The following GADL1 variants were observed in gnomAD, a reference collection of about 807,000 sequenced individuals.
GADL1 encodes the protein acidic amino acid decarboxylase GADL1.
A neutral mutation model predicts 69.5 loss-of-function variants in GADL1; 71 were observed. The ratio of observed to expected loss-of-function variants is 1.02; its 90% confidence interval spans 0.84 to 1.25. The LOEUF (loss-of-function observed/expected upper bound fraction) is 1.25, where lower values mean the gene tolerates loss of function less well. Among genes scored for constraint, GADL1 ranks in the 50% most tolerant of loss-of-function variants. GADL1 has a pLI of 0.00. For missense variants in GADL1, 737 were observed against 631.8 expected, an observed-to-expected ratio of 1.17 and a Z score of -1.79; for synonymous variants, 254 against 214.4, an observed-to-expected ratio of 1.18 and a Z score of -1.62.
intron 11 of GADL1, among the ~76,000 whole-genome samples, chr3:30,826,302 TTTTC>T (rs1697679552): frequency 6.6e-6 from 1 of 151,922 alleles, no homozygotes; most frequent in Non-Finnish European, 1.5e-5. Context: ...AATTTCATAT[TTTTC>T]TTTCTGGTTA....
At chr3:30,817,912 G>T (rs976574016) in intron 11 of GADL1, among the ~76,000 whole-genome samples, 2 of 152,196 alleles carry the variant, frequency 1.3e-5, no homozygotes, top group Non-Finnish European at 2.9e-5. Flanking sequence ...AAGAGAAGTG[G>T]TGAACTTCTT....
At chr3:30,892,969 G>C (rs142832853) in intron 1 of GADL1, among the ~76,000 whole-genome samples, 1,554 of 152,300 alleles carry the variant, frequency 0.01, 10 homozygotes, top group Non-Finnish European at 0.018. Context: ...CGATTCTCCT[G>C]CCTCAGCCTC....
chr3:30,827,551 G>A (rs989579413), intron 11 of GADL1, among the ~76,000 whole-genome samples: 1 of 151,846 alleles, frequency 6.6e-6, no homozygotes, highest in Non-Finnish European at 1.5e-5. Flanking sequence ...TGGAGAAATA[G>A]ATAATGGATT....
At chr3:30,879,881 C>G (rs938981446) in intron 1 of GADL1, among the ~76,000 whole-genome samples, 3 of 151,776 alleles carry the variant, frequency 2.0e-5, no homozygotes, top group Non-Finnish European at 4.4e-5. Flanking sequence ...GTAGAAAGCC[C>G]AAGGCAATAG....
At chr3:30,766,883 T>C (rs1696294163) in intron 14 of GADL1, among the ~76,000 whole-genome samples, 1 of 152,136 alleles carries the variant, frequency 6.6e-6, no homozygotes, top group African/African-American at 2.4e-5. Flanking sequence ...GAGTTGGACT[T>C]TAGGAAGTCT....
At chr3:30,878,928 A>C (rs1426280453) in intron 1 of GADL1, among the ~76,000 whole-genome samples, 2 of 151,902 alleles carry the variant, frequency 1.3e-5, no homozygotes, top group Non-Finnish European at 2.9e-5. Flanking sequence ...CGTTTAGGCA[A>C]TGTTCTGTTT....
chr3:30,763,559 C>G (rs1052099616), intron 14 of GADL1, among the ~76,000 whole-genome samples: 1 of 151,906 alleles, frequency 6.6e-6, no homozygotes, highest in African/African-American at 2.4e-5. Context: ...TACACCTAAC[C>G]TACCAAATAT....
At chr3:30,757,553 TGAG>T (rs987396279) in intron 14 of GADL1, among the ~76,000 whole-genome samples, 5 of 152,208 alleles carry the variant, frequency 3.3e-5, no homozygotes, top group Admixed American at 1.3e-4. Flanking sequence ...TAGTAAATAT[TGAG>T]GATGATTACA....
chr3:30,853,108 G>A (rs575952393), intron 4 of GADL1, among the ~76,000 whole-genome samples: 5 of 151,960 alleles, frequency 3.3e-5, no homozygotes, highest in Middle Eastern at 3.4e-3. Context: ...TTCTATTCTC[G>A]CCATTGTAAG....
intron 13 of GADL1, among the ~76,000 whole-genome samples, chr3:30,779,942 G>A (rs921601546): frequency 6.6e-6 from 1 of 152,106 alleles, no homozygotes; most frequent in Non-Finnish European, 1.5e-5. Context: ...CACTTTCATG[G>A]GTCTCCTACA....
intron 1 of GADL1, among the ~76,000 whole-genome samples, chr3:30,891,365 C>T (rs548501871): frequency 6.6e-6 from 1 of 152,248 alleles, no homozygotes; most frequent in African/African-American, 2.4e-5. Flanking sequence ...CCAAAACTGA[C>T]AGCTTTTCTC....
intron 14 of GADL1, among the ~76,000 whole-genome samples, chr3:30,760,929 T>G (rs1333140949): frequency 6.6e-6 from 1 of 151,950 alleles, no homozygotes; most frequent in Admixed American, 6.6e-5. Flanking sequence ...AACTAGAAAA[T>G]TAAAGGCTGA....
At chr3:30,738,680 C>T (rs1017450778) in intron 14 of GADL1, among the ~76,000 whole-genome samples, 3 of 152,090 alleles carry the variant, frequency 2.0e-5, no homozygotes, top group African/African-American at 7.2e-5. Context: ...GGCAGTGGTC[C>T]AATATTTCTG....
intron 1 of GADL1, among the ~76,000 whole-genome samples, chr3:30,868,234 T>C (rs1312218661): frequency 6.6e-6 from 1 of 152,082 alleles, no homozygotes; most frequent in Non-Finnish European, 1.5e-5. Flanking sequence ...TAATTGTCAG[T>C]TAAAACTGCT....
At chr3:30,763,450 C>T (rs867458108) in intron 14 of GADL1, among the ~76,000 whole-genome samples, 4 of 138,968 alleles carry the variant, frequency 2.9e-5, no homozygotes, top group African/African-American at 8.2e-5. Context: ...TGCAGTGAAC[C>T]GAGATCATGC....
intron 14 of GADL1, among the ~76,000 whole-genome samples, chr3:30,765,526 C>CATT (rs981398903): frequency 5.3e-5 from 8 of 152,164 alleles, no homozygotes; most frequent in African/African-American, 1.9e-4. Flanking sequence ...CAATCAACCC[C>CATT]ATTATTAAAC....
chr3:30,839,391 T>C (rs534042881), intron 8 of GADL1, among the ~76,000 whole-genome samples: 129 of 151,962 alleles, frequency 8.5e-4, no homozygotes, highest in Non-Finnish European at 1.7e-3. Flanking sequence ...TTTTGTTCTA[T>C]CAATTGTCCA....
intron 1 of GADL1, among the ~76,000 whole-genome samples, chr3:30,872,909 C>T: frequency 6.6e-6 from 1 of 152,094 alleles, no homozygotes; most frequent in Non-Finnish European, 1.5e-5. Flanking sequence ...AGTATACTCT[C>T]TTGACCTTCA....
At chr3:30,865,549 G>A (rs1173313346) in intron 1 of GADL1, among the ~76,000 whole-genome samples, 1 of 152,000 alleles carries the variant, frequency 6.6e-6, no homozygotes, top group Non-Finnish European at 1.5e-5. Flanking sequence ...TGAACTGATA[G>A]CACAGCAAGG....
Sources: gnomAD v4.1 joint callset for allele counts (sites outside exome capture counted in the v4.1 genomes callset) on GRCh38, gnomAD v4.1.1 for gene constraint, MANE v1.5 for transcripts, NCBI Gene and HGNC (gene_info 2026-07-23, HGNC 2026-07-21) for gene names.